MS4A4E: variants seen among roughly 807,000 people sequenced by gnomAD.
MS4A4E encodes membrane spanning 4-domains A4E.
A neutral mutation model predicts 13.3 loss-of-function variants in MS4A4E; 23 were observed. The ratio of observed to expected loss-of-function variants is 1.73; its 90% CI spans 1.25 to 2.45. The LOEUF (loss-of-function observed/expected upper bound fraction) is 2.45. Among genes scored for constraint, MS4A4E ranks in the 30% most tolerant of loss-of-function variants. The pLI, the probability that MS4A4E is intolerant of heterozygous loss-of-function variation, is 0.00. For missense variants in MS4A4E, 144 were observed against 131.2 expected (o/e 1.10, Z -0.48); for synonymous variants, 36 against 45.6 (o/e 0.79, Z 0.85).
chr11:60,207,945 T>C (rs1185832775), intron 6 of MS4A4E, among the ~76,000 whole-genome samples: 1 of 152,226 alleles, frequency 6.6e-6, no homozygotes, highest in Non-Finnish European at 1.5e-5. Context: ...GGAAAAGTTG[T>C]TGTAATAGGA....
At chr11:60,220,125 G>A (rs1047639706) in intron 3 of MS4A4E, among the ~76,000 whole-genome samples, 1 of 152,192 alleles carries the variant, frequency 6.6e-6, no homozygotes, top group Admixed American at 6.5e-5. Flanking sequence ...TCCCTGAAGG[G>A]ATTGCAGACA....
intron 4 of MS4A4E, chr11:60,213,339 G>A: frequency 1.3e-6 from 2 of 1,521,622 alleles, no homozygotes; most frequent in South Asian, 2.4e-5. Flanking sequence ...ATTCCTGTGA[G>A]AAGATGAGAT....
rs1205848552 is a variant in MS4A4E at position 60,201,079 on chromosome 11, C to T, written c.*464G>A. On this transcript the variant is annotated 3_prime_UTR_variant, in exon 9 of 9. Coordinates refer to ENST00000651255, the MANE Select transcript of MS4A4E (RefSeq NM_001393391.1). ...GCCGGGTGGGGGGCTGAACCCCCCA[C>T]CTCCCTCCCGGACGGGGCGGCTGGC... is the stretch of plus-strand genomic sequence containing the variant. 2.0e-5 allele frequency among the ~76,000 whole-genome samples: 3 copies of T among 147,844 alleles called. No individual in the cohort carries two copies. Among genetic ancestry groups the T allele is most frequent in the Admixed American group, 1.3e-4 (2 of 15,002 alleles).
At chr11:60,216,165 G>A (rs992898845) in intron 3 of MS4A4E, among the ~76,000 whole-genome samples, 3 of 152,156 alleles carry the variant, frequency 2.0e-5, no homozygotes, top group African/African-American at 4.8e-5. Flanking sequence ...GCAAAAAAGG[G>A]TTTTACCAAT....
At chr11:60,224,563 C>T (rs2084317110) in intron 3 of MS4A4E, among the ~76,000 whole-genome samples, 2 of 152,150 alleles carry the variant, frequency 1.3e-5, no homozygotes, top group South Asian at 4.1e-4. Flanking sequence ...AAATATTTAT[C>T]AAAAATGAGA....
intron 3 of MS4A4E, among the ~76,000 whole-genome samples, chr11:60,215,804 TA>T (rs1391201971): frequency 6.6e-6 from 1 of 152,052 alleles, no homozygotes; most frequent in African/African-American, 2.4e-5. Flanking sequence ...GAATATAAAC[TA>T]AAAAGTACCA....
intron 1 of MS4A4E, among the ~76,000 whole-genome samples, chr11:60,230,613 G>C (rs1311256051): frequency 6.6e-6 from 1 of 152,166 alleles, no homozygotes; most frequent in Admixed American, 6.5e-5. Flanking sequence ...ACAGCTCTGA[G>C]TCATATTCTT....
intron 1 of MS4A4E, among the ~76,000 whole-genome samples, chr11:60,232,930 C>T (rs2084431181): frequency 6.6e-6 from 1 of 152,120 alleles, no homozygotes; most frequent in South Asian, 2.1e-4. Context: ...CTGGTGCACC[C>T]TGCCCCTCCA....
chr11:60,218,618 G>C (rs577873330), intron 3 of MS4A4E, among the ~76,000 whole-genome samples: 3 of 151,992 alleles, frequency 2.0e-5, no homozygotes, highest in Non-Finnish European at 4.4e-5. Context: ...TTCCCCGATA[G>C]TGATGGCCTT....
intron 6 of MS4A4E, chr11:60,206,544 A>T (rs1479751722): frequency 7.9e-6 from 1 of 126,840 alleles, no homozygotes; most frequent in African/African-American, 3.6e-5. Context: ...TCATAATTGG[A>T]TTCCATATAA....
chr11:60,225,929 AAGAG>A (rs913954342), intron 3 of MS4A4E, among the ~76,000 whole-genome samples: 2 of 151,906 alleles, frequency 1.3e-5, no homozygotes, highest in Non-Finnish European at 2.9e-5. Context: ...GTCTAAGAGA[AAGAG>A]AGAGAGGACA....
At chr11:60,237,041 A>G (rs2084492525) in intron 1 of MS4A4E, among the ~76,000 whole-genome samples, 1 of 151,940 alleles carries the variant, frequency 6.6e-6, no homozygotes, top group African/African-American at 2.4e-5. Flanking sequence ...CAACCATATC[A>G]CCCATGTTTT....
At chr11:60,240,765 C>A (rs908268978) in intron 1 of MS4A4E, among the ~76,000 whole-genome samples, 20 of 152,146 alleles carry the variant, frequency 1.3e-4, no homozygotes, top group Non-Finnish European at 2.8e-4. Context: ...AGAATAGCAA[C>A]AAACCCACCA....
chr11:60,225,872 T>TA (rs2084334343), intron 3 of MS4A4E, among the ~76,000 whole-genome samples: 8 of 150,906 alleles, frequency 5.3e-5, no homozygotes, highest in East Asian at 1.9e-4. Flanking sequence ...ATGCTTTTTT[T>TA]TAAAAAAAAG....
chr11:60,220,812 G>A (rs1000074188), intron 3 of MS4A4E, among the ~76,000 whole-genome samples: 4 of 152,134 alleles, frequency 2.6e-5, no homozygotes, highest in Non-Finnish European at 5.9e-5. Flanking sequence ...AATGCCTAGT[G>A]GGCTTATTTG....
At chr11:60,231,247 G>A (rs72920853) in intron 1 of MS4A4E, among the ~76,000 whole-genome samples, 9,563 of 151,540 alleles carry the variant, frequency 0.063, 398 homozygotes, top group Non-Finnish European at 0.093. Context: ...ATGAAAAGCA[G>A]TAAAATAAAA....
chr11:60,211,719 G>T (rs1388475224), intron 5 of MS4A4E, among the ~76,000 whole-genome samples: 4 of 152,068 alleles, frequency 2.6e-5, no homozygotes, highest in Admixed American at 2.6e-4. Context: ...TCAAGACCAG[G>T]CTGGCCAACA....
chr11:60,202,026 C>A (rs2083996183), intron 8 of MS4A4E, 147 bp from the exon 9 acceptor site: 1 of 152,610 alleles, frequency 6.6e-6, no homozygotes, highest in African/African-American at 2.4e-5. Flanking sequence ...ATTCACAGAG[C>A]AAATTGATGG....
At chr11:60,215,701 T>C (rs541758778) in intron 3 of MS4A4E, among the ~76,000 whole-genome samples, 1 of 151,890 alleles carries the variant, frequency 6.6e-6, no homozygotes, top group South Asian at 2.1e-4. Flanking sequence ...TTGGGGTATA[T>C]TAACCAAAAT....
Sources: gnomAD v4.1 joint callset for allele counts (sites outside exome capture counted in the v4.1 genomes callset) on GRCh38, gnomAD v4.1.1 for gene constraint, MANE v1.5 for transcripts, NCBI Gene and HGNC (gene_info 2026-07-23, HGNC 2026-07-21) for gene names.